The following FBXO42 variants were observed in gnomAD, a reference collection of about 807,000 sequenced individuals.
The protein encoded by FBXO42 is F-box only protein 42.
In FBXO42, 12 loss-of-function variants were observed where a neutral mutation model predicts 71.7. That is an observed-to-expected ratio of 0.17 (90% CI 0.11 to 0.27). The LOEUF (loss-of-function observed/expected upper bound fraction) is 0.27. Among genes scored for constraint, FBXO42 ranks in the 10% least tolerant of loss-of-function variants. The pLI, the probability that FBXO42 is intolerant of heterozygous loss-of-function variation, is 1.00. For synonymous variants in FBXO42, 325 were observed against 327.5 expected (o/e 0.99, Z 0.08); for missense variants, 707 against 911.9 (o/e 0.78, Z 2.89).
chr1:16,288,137 C>T (rs916062513), intron 4 of FBXO42, among the ~76,000 whole-genome samples: 3 of 151,904 alleles, frequency 2.0e-5, no homozygotes, highest in South Asian at 2.1e-4. Flanking sequence ...GAAACTCTGT[C>T]TCAAACAAAC....
intron 4 of FBXO42, among the ~76,000 whole-genome samples, chr1:16,261,758 C>G (rs2081714752): frequency 6.6e-6 from 1 of 151,916 alleles, no homozygotes; most frequent in South Asian, 2.1e-4. Context: ...GGCTGGAGTG[C>G]AGTGGCGCGA....
chr1:16,334,958 G>A (rs542662420), intron 1 of FBXO42, among the ~76,000 whole-genome samples: 5 of 149,290 alleles, frequency 3.3e-5, no homozygotes, highest in African/African-American at 1.2e-4. Context: ...CACGCGCAGT[G>A]GTTCACACCC....
chr1:16,252,180 CA>C lies in FBXO42; in HGVS notation c.1038+107del. 1 of 854,936 alleles carries C rather than the reference CA, an allele frequency of 1.2e-6. No individual in the cohort carries two copies. The allele number at this position is 854,936 out of a possible 1,614,324, so 53.0% of individuals were successfully genotyped here. A position where few individuals can be genotyped will look rare whatever the true frequency, so the allele number is the denominator to read the frequency against. ...CTAATGTTCACCTCTTTTGTGACACCAAGGTGTTTTCTATTTTTGTACAAAT... is the reference window on the plus strand; with the variant it reads ...CTAATGTTCACCTCTTTTGTGACACCAGGTGTTTTCTATTTTTGTACAAAT... On this transcript the variant is annotated intron_variant, in intron 9 of 9. Transcript: ENST00000375592. This position sits in a 1 kb window ranked among gnomAD's most constrained non-coding sequence, Gnocchi z 4.4.
chr1:16,263,189 G>A (rs930355933), intron 4 of FBXO42, among the ~76,000 whole-genome samples: 1 of 151,886 alleles, frequency 6.6e-6, no homozygotes, highest in African/African-American at 2.4e-5. Context: ...TAAGCCAGGC[G>A]CGGTGGCTCA....
At chr1:16,336,644 A>G (rs111549677) in intron 1 of FBXO42, among the ~76,000 whole-genome samples, 3,706 of 151,398 alleles carry the variant, frequency 0.024, 129 homozygotes, top group African/African-American at 0.086. Context: ...GGCATGAGCC[A>G]CTGTCCCTAG....
chr1:16,303,374 G>A (rs57563458), intron 3 of FBXO42, among the ~76,000 whole-genome samples: 49,737 of 152,054 alleles, frequency 0.33, 9,812 homozygotes, highest in East Asian at 0.68. Flanking sequence ...ACTGCAGGAT[G>A]CTGCACATCC....
intron 4 of FBXO42, among the ~76,000 whole-genome samples, chr1:16,289,075 A>G (rs906185413): frequency 5.3e-5 from 8 of 151,552 alleles, no homozygotes; most frequent in Non-Finnish European, 2.9e-5. Context: ...TTCATTTCCT[A>G]AATAGAAGCA....
chr1:16,307,387 G>A (rs2082263096), intron 2 of FBXO42, among the ~76,000 whole-genome samples: 1 of 152,118 alleles, frequency 6.6e-6, no homozygotes, highest in African/African-American at 2.4e-5. Context: ...TGTAGTCCTA[G>A]CTACTTGGGA....
chr1:16,289,690 A>C (rs1389470768), intron 4 of FBXO42, among the ~76,000 whole-genome samples: 1 of 152,238 alleles, frequency 6.6e-6, no homozygotes, highest in South Asian at 2.1e-4. Flanking sequence ...ACAACAACAA[A>C]AACAAACAAA....
chr1:16,249,435 T>C lies in FBXO42; in HGVS notation c.*1235A>G, dbSNP rs1266535464. ...GATTCTCAACTCCATCACCTGCCAATAGCCAGGAAGAGGAATATATGTCAC... is the reference window on the plus strand; with the variant it reads ...GATTCTCAACTCCATCACCTGCCAACAGCCAGGAAGAGGAATATATGTCAC... On this transcript the variant is annotated 3_prime_UTR_variant, in exon 10 of 10. Transcript: ENST00000375592. The C allele has an allele frequency of 1.3e-5, 2 of 152,130 alleles. No individual in the cohort carries two copies. The highest frequency in any genetic ancestry group is 2.9e-5 in the Non-Finnish European group (2 of 68,008). 9.4% of individuals were successfully genotyped at this position (152,130 alleles called of 1,614,324 possible).
At chr1:16,340,073 G>A (rs1035951308) in intron 1 of FBXO42, among the ~76,000 whole-genome samples, 3 of 152,088 alleles carry the variant, frequency 2.0e-5, no homozygotes, top group Non-Finnish European at 4.4e-5. Context: ...GCTCTTGGGA[G>A]GCTGAGGCAG....
chr1:16,277,077 T>C (rs1469874922), intron 4 of FBXO42, among the ~76,000 whole-genome samples: 1 of 152,202 alleles, frequency 6.6e-6, no homozygotes, highest in Non-Finnish European at 1.5e-5. Flanking sequence ...CAAGGAAAGA[T>C]CTGTGAGTAG....
At chr1:16,296,649 C>CA (rs58537213) in intron 3 of FBXO42, among the ~76,000 whole-genome samples, 2,380 of 91,110 alleles carry the variant, frequency 0.026, 62 homozygotes, top group African/African-American at 0.075. Context: ...GACTCCATCT[C>CA]AAAAAAAAAA....
rs1273732738 is a variant in FBXO42, at chr1:16,312,308, GC to G, written c.250+2860del. Among the ~76,000 whole-genome samples, 4 of 152,272 alleles carry G rather than the reference GC, an allele frequency of 2.6e-5. No homozygotes were observed. In the East Asian group the frequency reaches 5.8e-4, roughly 22 times the overall value. On this transcript the variant is annotated intron_variant, in intron 2 of 9. Transcript: ENST00000375592. ...GCCCGGGAGACGGAGGTTGCAGTGA[GC>G]CAAAATCGCACCAATGCACTCCAGC...
intron 1 of FBXO42, among the ~76,000 whole-genome samples, chr1:16,329,716 G>T (rs1185080082): frequency 6.6e-6 from 1 of 151,808 alleles, no homozygotes. Context: ...TTGGGAGACC[G>T]AGGCAGGCAG....
At chr1:16,331,024 G>C (rs1317588936) in intron 1 of FBXO42, among the ~76,000 whole-genome samples, 1 of 152,112 alleles carries the variant, frequency 6.6e-6, no homozygotes, top group Admixed American at 6.6e-5. Flanking sequence ...GGGAGGCTGA[G>C]GCAGGAGAAT....
At chr1:16,305,299 G>C (rs908121994) in intron 3 of FBXO42, among the ~76,000 whole-genome samples, 8 of 152,132 alleles carry the variant, frequency 5.3e-5, no homozygotes, top group African/African-American at 1.9e-4. Flanking sequence ...GAGGCAGAAG[G>C]ACTGCCTGAG....
chr1:16,251,235 G>A lies in FBXO42; in HGVS notation c.1589C>T (p.Pro530Leu). ...NRTVGGSMRH[P>L]PEQTNGVHTP... ...ATGCACACCATTTGTCTGTTCAGGA[G>A]GGTGTCTCATACTTCCCCCAACTGT... Residue 530 changes from proline to leucine, a missense_variant, in exon 10 of 10, where the codon CCT (proline) becomes CTT (leucine). Coordinates refer to ENST00000375592, the MANE Select transcript of FBXO42 (RefSeq NM_018994.3). This position sits in a 1 kb window ranked among gnomAD's most constrained non-coding sequence, Gnocchi z 4.5. The A allele has an allele frequency of 6.2e-7, 1 of 1,614,190 alleles. No individual in the cohort carries two copies. Among genetic ancestry groups the A allele is most frequent in the Non-Finnish European group, 8.5e-7 (1 of 1,180,038 alleles).
At chr1:16,272,920 T>G (rs964106333) in intron 4 of FBXO42, among the ~76,000 whole-genome samples, 4 of 152,330 alleles carry the variant, frequency 2.6e-5, no homozygotes, top group Non-Finnish European at 5.9e-5. Flanking sequence ...GTTGAATGGA[T>G]GTAAAGTTCT....
Sources: gnomAD v4.1 joint callset for allele counts (sites outside exome capture counted in the v4.1 genomes callset) on GRCh38, gnomAD v4.1.1 for gene constraint, Gnocchi (gnomAD v3.1) non-coding constraint, MANE v1.5 for transcripts, NCBI Gene and HGNC (gene_info 2026-07-23, HGNC 2026-07-21) for gene names.